The following PTPRO variants were observed in gnomAD, a reference collection of about 807,000 sequenced individuals.
PTPRO encodes the protein receptor-type tyrosine-protein phosphatase O.
In PTPRO, 62 loss-of-function variants were observed where a neutral mutation model predicts 145.2. The observed-to-expected ratio is 0.43, with a 90% CI of 0.35 to 0.53. PTPRO has a LOEUF of 0.53. Ranked by LOEUF, PTPRO falls within the 20% of genes least tolerant of loss-of-function variation. The probability of loss-of-function intolerance (pLI) is 0.01; values close to 1 mark genes in which losing one functional copy is unlikely to be tolerated. For missense variants in PTPRO, 1,345 were observed against 1,482.7 expected, an observed-to-expected ratio of 0.91 and a Z score of 1.53; for synonymous variants, 565 against 514.7, an observed-to-expected ratio of 1.10 and a Z score of -1.32.
chr12:15,359,591 G>A (rs1396414382), intron 1 of PTPRO, among the ~76,000 whole-genome samples: 2 of 126,514 alleles, frequency 1.6e-5, no homozygotes, highest in Non-Finnish European at 3.6e-5. Context: ...TATTTATTTA[G>A]TATTTTTAGT....
chr12:15,491,884 G>A (rs776695672), intron 2 of PTPRO, among the ~76,000 whole-genome samples: 18 of 152,262 alleles, frequency 1.2e-4, no homozygotes, highest in African/African-American at 4.1e-4. Flanking sequence ...AATGCTCCAC[G>A]CTAGACAGGG....
intron 12 of PTPRO, chr12:15,546,232 C>A: frequency 2.5e-6 from 2 of 785,580 alleles, no homozygotes; most frequent in Non-Finnish European, 3.2e-6. Flanking sequence ...TTTTGTTTCT[C>A]ATCCAGGAAG....
intron 1 of PTPRO, among the ~76,000 whole-genome samples, chr12:15,331,612 C>A (rs1224274424): frequency 6.6e-6 from 1 of 151,944 alleles, no homozygotes; most frequent in Non-Finnish European, 1.5e-5. Flanking sequence ...TTATGTATAA[C>A]AATAAACTAA....
intron 22 of PTPRO, among the ~76,000 whole-genome samples, 173 bp downstream of exon 22, chr12:15,581,004 C>T (rs1944300304): frequency 6.6e-6 from 1 of 152,110 alleles, no homozygotes; most frequent in South Asian, 2.1e-4. Context: ...CACACAGACC[C>T]GGTGGTCTTT....
At chr12:15,553,872 A>T (rs1943541426) in intron 15 of PTPRO, among the ~76,000 whole-genome samples, 1 of 152,176 alleles carries the variant, frequency 6.6e-6, no homozygotes, top group Non-Finnish European at 1.5e-5. Context: ...ATATTTTGAA[A>T]ATAGGAGCAA....
At chr12:15,574,038 T>G (rs1365594402) in intron 19 of PTPRO, among the ~76,000 whole-genome samples, 1 of 152,224 alleles carries the variant, frequency 6.6e-6, no homozygotes, top group East Asian at 1.9e-4. Flanking sequence ...AGTATTTGTA[T>G]TCATTTTGAT....
intron 1 of PTPRO, among the ~76,000 whole-genome samples, chr12:15,343,620 C>T (rs970992257): frequency 6.6e-6 from 1 of 152,048 alleles, no homozygotes; most frequent in East Asian, 1.9e-4. Context: ...CACAGGAAGT[C>T]GGGGTTGCAG....
At chr12:15,479,388 A>C (rs1941730686) in intron 1 of PTPRO, among the ~76,000 whole-genome samples, 1 of 152,150 alleles carries the variant, frequency 6.6e-6, no homozygotes, top group South Asian at 2.1e-4. Context: ...ATTAATCTGT[A>C]ATCAGCCAGC....
chr12:15,448,351 A>AAAAAAAAAAAAAAAAC (rs1259812638), intron 1 of PTPRO, among the ~76,000 whole-genome samples: 1 of 147,784 alleles, frequency 6.8e-6, no homozygotes, highest in African/African-American at 2.4e-5. Context: ...AAAAAAAAAA[A>AAAAAAAAAAAAAAAAC]AAAAAAAAAG....
chr12:15,581,474 T>C (rs1170228912), intron 22 of PTPRO, among the ~76,000 whole-genome samples: 1 of 152,064 alleles, frequency 6.6e-6, no homozygotes, highest in African/African-American at 2.4e-5. Flanking sequence ...CCCTCAACTC[T>C]GTTTTAGTTA....
chr12:15,323,716 G>T (rs1286682296), intron 1 of PTPRO, among the ~76,000 whole-genome samples: 1 of 152,186 alleles, frequency 6.6e-6, no homozygotes. Flanking sequence ...CAAGAATGTC[G>T]ACAGGTGACT....
At chr12:15,497,627 A>G (rs1424421602) in intron 3 of PTPRO, among the ~76,000 whole-genome samples, 4 of 152,254 alleles carry the variant, frequency 2.6e-5, no homozygotes, top group East Asian at 1.9e-4. Context: ...AGCATGAGAA[A>G]TACTCTCATT....
chr12:15,427,619 T>C (rs946521448), intron 1 of PTPRO, among the ~76,000 whole-genome samples: 1 of 151,790 alleles, frequency 6.6e-6, no homozygotes, highest in African/African-American at 2.4e-5. Flanking sequence ...TATAAAACAA[T>C]TTGTGATAAT....
intron 1 of PTPRO, among the ~76,000 whole-genome samples, chr12:15,461,600 G>T (rs915687850): frequency 5.2e-5 from 6 of 114,626 alleles, no homozygotes; most frequent in Admixed American, 2.6e-4. Context: ...ACAGAATCTC[G>T]CTCTGTCGCC....
intron 12 of PTPRO, among the ~76,000 whole-genome samples, chr12:15,529,758 G>A (rs1942921506): frequency 6.6e-6 from 1 of 152,058 alleles, no homozygotes; most frequent in Non-Finnish European, 1.5e-5. Flanking sequence ...AAAATAAAAA[G>A]CAACAAATTA....
chr12:15,461,717 G>A (rs930850449), intron 1 of PTPRO, among the ~76,000 whole-genome samples: 50 of 151,608 alleles, frequency 3.3e-4, no homozygotes, highest in African/African-American at 1.1e-3. Flanking sequence ...ACAGGTGTGC[G>A]CCACCACATC....
At chr12:15,427,117 G>C (rs1034514031) in intron 1 of PTPRO, among the ~76,000 whole-genome samples, 2 of 151,924 alleles carry the variant, frequency 1.3e-5, no homozygotes, top group African/African-American at 4.8e-5. Context: ...TATGTCTTAG[G>C]CTCTTAGATG....
At position 15,537,391 on chromosome 12, in the gene PTPRO, C is replaced by T. The variant is rs114997583; in HGVS notation, c.2165-9178C>T. On this transcript the variant is annotated intron_variant, in intron 12 of 26. Coordinates refer to ENST00000281171, the MANE Select transcript of PTPRO (RefSeq NM_030667.3). ...GGTGAGTAAAAACCAGCAAAAGAGA[C>T]TGAGGAGCATTGGCCAGGGAAGCAA... 3.5e-3 allele frequency among the ~76,000 whole-genome samples: 529 copies of T among 152,224 alleles called. 2 individuals carry two copies. The highest frequency in any genetic ancestry group is 0.011 in the African/African-American group (477 of 41,530).
At position 15,513,110 on chromosome 12, in the gene PTPRO, AGGAAGGAAGGAAGGAAGGAAGGAAGGAAG is replaced by A. The variant is rs1565675343; in HGVS notation, c.1465-2386_1465-2358del. The stretch of plus-strand genomic sequence containing the variant: ...AAAGAAAGAAGAAAGAAAGAAAGAA[AGGAAGGAAGGAAGGAAGGAAGGAAGGAAG>A]GAAGAAAGAAAGAAAGAAAAAGAAA... On this transcript the variant is annotated intron_variant, in intron 7 of 26. Transcript: ENST00000281171. Among the ~76,000 whole-genome samples, 46 of 7,720 alleles carry A rather than the reference AGGAAGGAAGGAAGGAAGGAAGGAAGGAAG, an allele frequency of 6.0e-3. 5 individuals carry two copies. The highest frequency in any genetic ancestry group is 0.019 in the Admixed American group (9 of 464). 5.1% of individuals were successfully genotyped at this position (7,720 alleles called of 152,430 possible). A position where few individuals can be genotyped will look rare whatever the true frequency, so the allele number is the denominator to read the frequency against.
Sources: gnomAD v4.1 joint callset for allele counts (sites outside exome capture counted in the v4.1 genomes callset) on GRCh38, gnomAD v4.1.1 for gene constraint, MANE v1.5 for transcripts, NCBI Gene and HGNC (gene_info 2026-07-23, HGNC 2026-07-21) for gene names.